The following LRP1B variants were observed in gnomAD, a reference collection of about 807,000 sequenced individuals.
The protein encoded by LRP1B is LDL receptor related protein 1B.
LRP1B carries 217 observed loss-of-function variants against 556.6 expected under a neutral mutation model. That is an observed-to-expected ratio of 0.39 (90% CI 0.35 to 0.44). LRP1B has a LOEUF of 0.44. Among genes scored for constraint, LRP1B ranks in the 20% least tolerant of loss-of-function variants. LRP1B has a pLI of 1.00. For synonymous variants in LRP1B, 2,047 were observed against 1,865.8 expected (o/e 1.10, Z -2.50); for missense variants, 5,053 against 5,620.8 (o/e 0.90, Z 3.23).
rs962817238 is a variant in LRP1B, at chr2:141,408,775, T to G, written c.343+71621A>C. ...TATTCATGCCATCTCCTCCATGTCT[T>G]TCTCTTTCACGTTGTCATTTTACTT... On this transcript the variant is annotated intron_variant, in intron 3 of 90. Transcript: ENST00000389484. Among the ~76,000 whole-genome samples the G allele has an allele frequency of 9.8e-5, 15 of 152,294 alleles. No homozygotes were observed. In the South Asian group the frequency reaches 3.1e-3, roughly 32 times the overall value.
intron 1 of LRP1B, among the ~76,000 whole-genome samples, chr2:141,997,398 T>C (rs1702524109): frequency 6.9e-6 from 1 of 143,892 alleles, no homozygotes; most frequent in Non-Finnish European, 1.5e-5. Context: ...TGTACATATA[T>C]ATATATAAAT....
chr2:141,770,530 G>T (rs10164495), intron 2 of LRP1B, among the ~76,000 whole-genome samples: 1 of 152,110 alleles, frequency 6.6e-6, no homozygotes, highest in Non-Finnish European at 1.5e-5. Flanking sequence ...ATAACTGACT[G>T]CCACAGCTAT....
chr2:141,251,464 T>C (rs972204413), intron 4 of LRP1B, among the ~76,000 whole-genome samples: 6 of 152,082 alleles, frequency 3.9e-5, no homozygotes, highest in African/African-American at 1.4e-4. Context: ...GGATATAAAG[T>C]GGATATTTGT....
chr2:141,569,105 A>T (rs769377405), intron 2 of LRP1B, among the ~76,000 whole-genome samples: 2 of 151,096 alleles, frequency 1.3e-5, no homozygotes, highest in Non-Finnish European at 3.0e-5. Context: ...GTAAGGCACT[A>T]TGCTATCTAA....
At chr2:141,096,346 G>C (rs553365729) in intron 7 of LRP1B, among the ~76,000 whole-genome samples, 1 of 152,096 alleles carries the variant, frequency 6.6e-6, no homozygotes, top group Admixed American at 6.5e-5. Context: ...CCAGCACTTC[G>C]GGAGGCTGAA....
intron 3 of LRP1B, among the ~76,000 whole-genome samples, chr2:141,328,189 A>G (rs1379145949): frequency 2.6e-5 from 4 of 152,188 alleles, no homozygotes. Flanking sequence ...GTACATTCAC[A>G]TACATAGACA....
chr2:141,941,786 A>T (rs910921925), intron 1 of LRP1B, among the ~76,000 whole-genome samples: 33 of 152,320 alleles, frequency 2.2e-4, no homozygotes, highest in Middle Eastern at 3.4e-3. Flanking sequence ...AGATAATAAG[A>T]GTCCATGTCA....
chr2:140,915,994 C>T lies in LRP1B; in HGVS notation c.3319+6971G>A, dbSNP rs528191194. Among the ~76,000 whole-genome samples the T allele has an allele frequency of 3.3e-5, 5 of 152,118 alleles. No individual in the cohort carries two copies. The South Asian group carries it at 8.3e-4, about 25-fold the overall frequency. Reference sequence around the variant, plus strand: ...AGTGAGCCGAGATCTCGCCACTGCACTCCAGCCCGGGTGACAGAGCGAGAC... The same window carrying T: ...AGTGAGCCGAGATCTCGCCACTGCATTCCAGCCCGGGTGACAGAGCGAGAC... On this transcript the variant is annotated intron_variant, in intron 21 of 90. Coordinates refer to ENST00000389484, the MANE Select transcript of LRP1B (RefSeq NM_018557.3).
intron 21 of LRP1B, among the ~76,000 whole-genome samples, chr2:140,909,831 T>C (rs922603368): frequency 3.3e-5 from 5 of 150,944 alleles, no homozygotes; most frequent in Admixed American, 1.3e-4. Flanking sequence ...AGAGAGCATA[T>C]ACTAGAAGAA....
At chr2:141,485,766 T>TA (rs1383708459) in intron 2 of LRP1B, among the ~76,000 whole-genome samples, 3 of 152,166 alleles carry the variant, frequency 2.0e-5, no homozygotes, top group African/African-American at 7.2e-5. Context: ...AAGCATGGGA[T>TA]AATGGGGGCT....
chr2:140,670,791 G>C (rs1239392031), intron 41 of LRP1B, among the ~76,000 whole-genome samples: 1 of 152,170 alleles, frequency 6.6e-6, no homozygotes, highest in Non-Finnish European at 1.5e-5. Flanking sequence ...TATGTGTCTT[G>C]ATAAAATTAC....
intron 41 of LRP1B, among the ~76,000 whole-genome samples, chr2:140,695,894 A>G (rs542391551): frequency 2.0e-5 from 3 of 152,164 alleles, no homozygotes; most frequent in Non-Finnish European, 4.4e-5. Flanking sequence ...CATCTTTTAA[A>G]CCTGAGGCCA....
intron 43 of LRP1B, among the ~76,000 whole-genome samples, chr2:140,593,465 A>C (rs546236146): frequency 2.0e-5 from 3 of 152,214 alleles, no homozygotes; most frequent in Non-Finnish European, 2.9e-5. Flanking sequence ...AACAGAAAAA[A>C]TTAAAAAGAA....
At chr2:141,367,556 C>T (rs960105697) in intron 3 of LRP1B, among the ~76,000 whole-genome samples, 1 of 124,022 alleles carries the variant, frequency 8.1e-6, no homozygotes, top group Admixed American at 1.0e-4. Flanking sequence ...GATCTCGGCT[C>T]ATTGCAAGCT....
intron 41 of LRP1B, among the ~76,000 whole-genome samples, chr2:140,636,217 A>T (rs561128741): frequency 9.9e-5 from 15 of 152,280 alleles, no homozygotes; most frequent in African/African-American, 3.4e-4. Flanking sequence ...GCAAAATTCA[A>T]TATTGATTCT....
intron 5 of LRP1B, among the ~76,000 whole-genome samples, chr2:141,242,647 C>A (rs751779483): frequency 6.6e-6 from 1 of 151,980 alleles, no homozygotes; most frequent in African/African-American, 2.4e-5. Context: ...TACTCCGCGG[C>A]AAAGAGGTAC....
chr2:140,315,726 A>G (rs1684492189), intron 82 of LRP1B, among the ~76,000 whole-genome samples: 2 of 152,176 alleles, frequency 1.3e-5, no homozygotes, highest in East Asian at 3.8e-4. Flanking sequence ...AAAACTTTAA[A>G]TTTGTAAGAT....
intron 3 of LRP1B, among the ~76,000 whole-genome samples, chr2:141,366,229 C>T (rs1050316162): frequency 6.6e-6 from 1 of 152,124 alleles, no homozygotes; most frequent in Non-Finnish European, 1.5e-5. Flanking sequence ...TTCAACATTA[C>T]AAGTGCAAGA....
intron 41 of LRP1B, among the ~76,000 whole-genome samples, chr2:140,623,956 G>GTGTGTATATATATATATATATATA (rs1339496296): frequency 0.022 from 2,313 of 106,354 alleles, 84 homozygotes; most frequent in Middle Eastern, 0.032. Context: ...TTTTATTTAT[G>GTGTGTATATATATATATATATATA]TATATATATA....
Sources: gnomAD v4.1 joint callset for allele counts (sites outside exome capture counted in the v4.1 genomes callset) on GRCh38, gnomAD v4.1.1 for gene constraint, MANE v1.5 for transcripts, NCBI Gene and HGNC (gene_info 2026-07-23, HGNC 2026-07-21) for gene names.